Variants in NLRP5 observed in about 807,000 individuals in gnomAD.
NLRP5 encodes the protein NACHT, LRR and PYD domains-containing protein 5.
NLRP5 carries 93 observed loss-of-function variants against 113.1 expected under a neutral mutation model. The observed-to-expected ratio is 0.82, with a 90% CI of 0.70 to 0.98. The LOEUF is 0.98. Among genes scored for constraint, NLRP5 ranks in the 50% least tolerant of loss-of-function variants. NLRP5 has a pLI of 0.00. For missense variants in NLRP5, 1,808 were observed against 1,514.3 expected, an observed-to-expected ratio of 1.19 and a Z score of -3.22; for synonymous variants, 751 against 600.7, an observed-to-expected ratio of 1.25 and a Z score of -3.66.
Position 56,039,965 on chromosome 19 carries a change from TG to T in NLRP5, c.2787-956del, listed in dbSNP as rs571638503. Among the ~76,000 whole-genome samples the T allele has an allele frequency of 3.9e-3, 588 of 152,122 alleles. 2 individuals carry two copies. The highest frequency in any genetic ancestry group is 6.2e-3 in the Non-Finnish European group (422 of 67,986). On this transcript the variant is annotated intron_variant, in intron 10 of 14. Coordinates refer to ENST00000390649, the MANE Select transcript of NLRP5 (RefSeq NM_153447.4). ...TGCCTAAGGGTCATGATGTGTTAGA[TG>T]TAGTTTTGGGGGGTGGTCTTGCTCA...
intron 12 of NLRP5, 31 bp downstream of exon 12, chr19:56,050,619 T>G: frequency 6.2e-7 from 1 of 1,603,356 alleles, no homozygotes; most frequent in Non-Finnish European, 8.5e-7. Context: ...GGGTCAACTC[T>G]ATCATACTGG....
intron 4 of NLRP5, among the ~76,000 whole-genome samples, chr19:56,016,957 C>T (rs548769797): frequency 1.3e-5 from 2 of 152,216 alleles, no homozygotes; most frequent in African/African-American, 4.8e-5. Flanking sequence ...TACAGGCATG[C>T]GCCACCATGC....
intron 9 of NLRP5, among the ~76,000 whole-genome samples, chr19:56,035,873 C>T (rs182500202): frequency 9.0e-4 from 137 of 152,194 alleles, no homozygotes; most frequent in Admixed American, 3.4e-3. Flanking sequence ...CATTCACTAT[C>T]ACATTGAGGA....
chr19:56,052,017 C>G (rs529292187), intron 12 of NLRP5, among the ~76,000 whole-genome samples: 1 of 152,042 alleles, frequency 6.6e-6, no homozygotes, highest in Admixed American at 6.6e-5. Context: ...GAATCTTAGT[C>G]AATTAGAGAC....
rs192361641 is a variant in NLRP5 at position 56,010,141 on chromosome 19, A to G, written c.508+1288A>G. Among the ~76,000 whole-genome samples the G allele has an allele frequency of 1.5e-3, 227 of 152,298 alleles. 1 individual carries two copies. Among genetic ancestry groups the G allele is most frequent in the African/African-American group, 5.3e-3 (222 of 41,560 alleles). ...GGAGATCCCTCTGAGCTGCTCCTGG[A>G]CACGAGAACTACCACTTCTTGAGAC... On this transcript the variant is annotated intron_variant, in intron 3 of 14. Coordinates refer to ENST00000390649, the MANE Select transcript of NLRP5 (RefSeq NM_153447.4).
At chr19:56,035,879 G>A (rs1027471977) in intron 9 of NLRP5, among the ~76,000 whole-genome samples, 2 of 151,252 alleles carry the variant, frequency 1.3e-5, no homozygotes, top group Non-Finnish European at 2.9e-5. Flanking sequence ...CTATCACATT[G>A]AGGAGTTGGA....
At chr19:56,022,214 C>A (rs192590688) in intron 6 of NLRP5, among the ~76,000 whole-genome samples, 1 of 152,230 alleles carries the variant, frequency 6.6e-6, no homozygotes, top group East Asian at 1.9e-4. Context: ...AGGGGAGATA[C>A]ACTCTCCACT....
At chr19:55,987,937 G>T in the NLRP5 span, 12 of 1,554,200 alleles carry the variant, frequency 7.7e-6, no homozygotes, top group Middle Eastern at 1.7e-4. Context: ...CTTTCTCTGG[G>T]GCTTGATTGA....
intron 4 of NLRP5, among the ~76,000 whole-genome samples, chr19:56,016,379 C>T (rs1982403250): frequency 6.6e-6 from 1 of 152,082 alleles, no homozygotes; most frequent in Non-Finnish European, 1.5e-5. Flanking sequence ...TCTGGAACTC[C>T]CGACCTCAGG....
At position 56,032,301 on chromosome 19, in the gene NLRP5, C is replaced by T. The variant is rs185742431; in HGVS notation, c.2277-310C>T. Among the ~76,000 whole-genome samples, 643 of 151,406 alleles carry T rather than the reference C, an allele frequency of 4.2e-3. 4 individuals carry two copies. The highest frequency in any genetic ancestry group is 0.015 in the African/African-American group (616 of 41,154). ...CAGAAGTTGCAGTGAGCCGAGATTGCGCCACTGCGCTCCAGCCTGGGCAAC... is the reference window on the plus strand; with the variant it reads ...CAGAAGTTGCAGTGAGCCGAGATTGTGCCACTGCGCTCCAGCCTGGGCAAC... On this transcript the variant is annotated intron_variant, in intron 7 of 14. Transcript: ENST00000390649.
intron 4 of NLRP5, among the ~76,000 whole-genome samples, chr19:56,016,141 A>G (rs1035612347): frequency 6.6e-6 from 1 of 152,136 alleles, no homozygotes; most frequent in African/African-American, 2.4e-5. Context: ...TGTGCTGAGA[A>G]CATTTTATTT....
intron 11 of NLRP5, among the ~76,000 whole-genome samples, chr19:56,048,189 G>A (rs1731278605): frequency 6.6e-6 from 1 of 152,174 alleles, no homozygotes; most frequent in African/African-American, 2.4e-5. Flanking sequence ...CTTTTAAGTG[G>A]AGCGTTTGGA....
chr19:55,994,512 C>G, the NLRP5 span, among the ~76,000 whole-genome samples: 5 of 152,204 alleles, frequency 3.3e-5, no homozygotes, highest in Admixed American at 1.3e-4. Context: ...ATTCTCCTGC[C>G]TCAGCCTCCC....
In NLRP5 at chr19:56,015,811, G is replaced by T. The variant is rs1176009365; in HGVS notation, c.565+13G>T. 1 of 1,547,874 alleles carries T rather than the reference G, an allele frequency of 6.5e-7. No homozygotes were observed. Among genetic ancestry groups the T allele is most frequent in the Admixed American group, 1.9e-5 (1 of 51,744 alleles). ...ACAAAAGAACAAGGTGAATGAAATA[G>T]ATCTATTCATTTGTTGCCCTCCTGG... On this transcript the variant is annotated intron_variant, in intron 4 of 14. Transcript: ENST00000390649.
chr19:56,028,427 TATTTGCGGAAA>T lies in NLRP5; in HGVS notation c.2198_2208del (p.Leu733SerfsTer12), dbSNP rs767087624. 6.2e-7 allele frequency: 1 copy of T among 1,613,940 alleles called. No homozygotes were observed. The highest frequency in any genetic ancestry group is 8.5e-7 in the Non-Finnish European group (1 of 1,179,876). ...TTCCTTCTGCCTCCAGCACTGTCCG[TATTTGCGGAAA>T]ATTCGGGTGGATGTCAAAGGGATCT... is the stretch of plus-strand genomic sequence containing the variant. On this transcript the variant is annotated frameshift_variant, in exon 7 of 15. Coordinates refer to ENST00000390649, the MANE Select transcript of NLRP5 (RefSeq NM_153447.4). LOFTEE classifies it high-confidence loss of function.
chr19:55,997,471 T>A (rs1981360503), upstream of NLRP5, among the ~76,000 whole-genome samples: 1 of 152,194 alleles, frequency 6.6e-6, no homozygotes, highest in Admixed American at 6.5e-5. Flanking sequence ...GCTCATAGAA[T>A]GAGGAAGAAT....
At chr19:55,993,077 G>A in the NLRP5 span, among the ~76,000 whole-genome samples, 1 of 151,734 alleles carries the variant, frequency 6.6e-6, no homozygotes, top group Non-Finnish European at 1.5e-5. Flanking sequence ...TTGAACTCCC[G>A]ACCTCAGGTG....
At chr19:56,022,404 A>C (rs958300146) in intron 6 of NLRP5, among the ~76,000 whole-genome samples, 11 of 119,272 alleles carry the variant, frequency 9.2e-5, no homozygotes, top group African/African-American at 2.9e-4. Context: ...TTTGTTATAG[A>C]AAGGAGGGGG....
At chr19:56,016,295 AG>A (rs1982399940) in intron 4 of NLRP5, among the ~76,000 whole-genome samples, 1 of 152,120 alleles carries the variant, frequency 6.6e-6, no homozygotes, top group Non-Finnish European at 1.5e-5. Context: ...CTGGGGCTAC[AG>A]GCATGCACCA....
Sources: allele counts gnomAD v4.1 joint callset (sites outside exome capture counted in the v4.1 genomes callset), GRCh38; gene constraint gnomAD v4.1.1; transcripts MANE v1.5; gene names NCBI Gene and HGNC (gene_info 2026-07-23, HGNC 2026-07-21).